The following PHF20 variants were observed in gnomAD, a reference collection of about 807,000 sequenced individuals.
PHF20 encodes the protein glioma-expressed antigen 2.
A neutral mutation model predicts 113.5 loss-of-function variants in PHF20; 23 were observed. The observed-to-expected ratio is 0.20, with a 90% CI of 0.15 to 0.29. The LOEUF is 0.29. PHF20 is among the 10% of genes least tolerant of loss of function. The pLI is 1.00. For missense variants in PHF20, 943 were observed against 1,219.6 expected, an observed-to-expected ratio of 0.77 and a Z score of 3.38; for synonymous variants, 434 against 457.3, an observed-to-expected ratio of 0.95 and a Z score of 0.65.
At chr20:35,877,978 A>G (rs1250876673) in intron 9 of PHF20, among the ~76,000 whole-genome samples, 2 of 152,232 alleles carry the variant, frequency 1.3e-5, no homozygotes, top group Non-Finnish European at 2.9e-5. Context: ...ATTTAGCATG[A>G]TGACTATAAT....
chr20:35,814,655 C>T (rs1427745337), intron 2 of PHF20, among the ~76,000 whole-genome samples: 10 of 149,410 alleles, frequency 6.7e-5, no homozygotes, highest in Non-Finnish European at 1.3e-4. Context: ...AGGTGGATCA[C>T]GAGGTCAGGA....
At chr20:35,930,440 C>T (rs1020958528) in intron 14 of PHF20, among the ~76,000 whole-genome samples, 4 of 152,046 alleles carry the variant, frequency 2.6e-5, no homozygotes, top group Admixed American at 1.3e-4. Context: ...ATGATGCTCT[C>T]AACTTTGGGA....
intron 2 of PHF20, among the ~76,000 whole-genome samples, chr20:35,802,350 TG>T (rs1163106654): frequency 6.6e-6 from 1 of 151,828 alleles, no homozygotes; most frequent in Non-Finnish European, 1.5e-5. Flanking sequence ...TAAGGGTTTT[TG>T]TTTTTTTTTT....
At chr20:35,790,454 G>C (rs957106348) in intron 1 of PHF20, among the ~76,000 whole-genome samples, 1 of 152,156 alleles carries the variant, frequency 6.6e-6, no homozygotes, top group East Asian at 1.9e-4. Context: ...GCCTGCCTCA[G>C]CCTCCCAAAG....
intron 2 of PHF20, among the ~76,000 whole-genome samples, chr20:35,811,767 A>AT (rs538254526): frequency 4.6e-4 from 68 of 147,886 alleles, no homozygotes; most frequent in African/African-American, 1.5e-3. Flanking sequence ...TTATTTATTT[A>AT]TTTTTATTTT....
At chr20:35,825,209 A>T (rs1028814384) in intron 2 of PHF20, among the ~76,000 whole-genome samples, 3 of 152,120 alleles carry the variant, frequency 2.0e-5, no homozygotes, top group South Asian at 2.1e-4. Flanking sequence ...TTTTGAAGAG[A>T]TGGGAGTCTT....
intron 9 of PHF20, among the ~76,000 whole-genome samples, chr20:35,885,441 A>C (rs1339217228): frequency 1.6e-5 from 1 of 63,896 alleles, no homozygotes; most frequent in Admixed American, 1.7e-4. Flanking sequence ...TACTTTTTTT[A>C]CTGGAGTGGG....
intron 2 of PHF20, among the ~76,000 whole-genome samples, chr20:35,819,678 T>TG: frequency 6.6e-6 from 1 of 150,726 alleles, no homozygotes; most frequent in Non-Finnish European, 1.5e-5. Flanking sequence ...GTGTGTGTGT[T>TG]TTTAAGCAAT....
chr20:35,870,708 G>A (rs1187356460), intron 7 of PHF20, among the ~76,000 whole-genome samples: 4 of 151,870 alleles, frequency 2.6e-5, no homozygotes, highest in Admixed American at 6.6e-5. Context: ...GTCAAGATTC[G>A]GACATGACCT....
chr20:35,826,746 A>G (rs1343561030), intron 2 of PHF20, among the ~76,000 whole-genome samples: 1 of 152,140 alleles, frequency 6.6e-6, no homozygotes, highest in African/African-American at 2.4e-5. Flanking sequence ...CTGTCATAAG[A>G]TATTTGCTGA....
chr20:35,851,784 A>G (rs2042737566), intron 4 of PHF20, among the ~76,000 whole-genome samples: 1 of 152,012 alleles, frequency 6.6e-6, no homozygotes, highest in Non-Finnish European at 1.5e-5. Context: ...GCGTGGTAGC[A>G]TGTGCCTGTA....
chr20:35,934,962 C>T lies in PHF20; in HGVS notation c.2300+3518C>T, dbSNP rs759397459. On this transcript the variant is annotated intron_variant, in intron 15 of 17. Transcript: ENST00000374012. ...AATGAAGTAGGTGGATGGTGGTCCA[C>T]GTGAGTGCCTGGGAAACCTCAGGGG... 2.6e-5 allele frequency among the ~76,000 whole-genome samples: 4 copies of T among 152,202 alleles called. No individual in the cohort carries two copies. The East Asian group carries it at 5.8e-4, about 22-fold the overall frequency.
chr20:35,913,192 A>G (rs1372591948), intron 10 of PHF20, 57 bp from the exon 11 acceptor site: 1 of 1,285,410 alleles, frequency 7.8e-7, no homozygotes, highest in Non-Finnish European at 1.1e-6. Flanking sequence ...GAGAAGAATA[A>G]GCACCCCAGC....
chr20:35,894,291 A>G (rs2054936332), intron 9 of PHF20, among the ~76,000 whole-genome samples: 1 of 152,082 alleles, frequency 6.6e-6, no homozygotes, highest in African/African-American at 2.4e-5. Flanking sequence ...GATGTATTTT[A>G]TATTTGAAAT....
At chr20:35,786,264 G>A (rs1321594753) in intron 1 of PHF20, among the ~76,000 whole-genome samples, 3 of 151,736 alleles carry the variant, frequency 2.0e-5, no homozygotes, top group Admixed American at 2.0e-4. Flanking sequence ...GGTGGCGTGT[G>A]CCTGTAATCG....
chr20:35,924,434 T>C (rs2055584547), intron 13 of PHF20, among the ~76,000 whole-genome samples: 1 of 151,878 alleles, frequency 6.6e-6, no homozygotes, highest in Non-Finnish European at 1.5e-5. Context: ...CCTCAGGTGA[T>C]CCGCCCACCT....
At chr20:35,876,135 C>T (rs1462007663) in intron 9 of PHF20, among the ~76,000 whole-genome samples, 1 of 152,056 alleles carries the variant, frequency 6.6e-6, no homozygotes, top group Non-Finnish European at 1.5e-5. Context: ...AAGCACTTAT[C>T]TATTTTCCAA....
intron 13 of PHF20, among the ~76,000 whole-genome samples, chr20:35,923,774 C>T (rs1176139936): frequency 6.6e-6 from 1 of 152,112 alleles, no homozygotes; most frequent in African/African-American, 2.4e-5. Flanking sequence ...TATTTTGAGA[C>T]AGGATCTTGC....
rs1015504339 is a variant in PHF20, at chr20:35,894,246, C to T, written c.1283-5124C>T. ...GGTTGATAATTATAATAGCTGTCTC[C>T]AGCCATGTTCCAGAAATAACATAAG... On this transcript the variant is annotated intron_variant, in intron 9 of 17. Coordinates refer to ENST00000374012, the MANE Select transcript of PHF20 (RefSeq NM_016436.5). Among the ~76,000 whole-genome samples the T allele has an allele frequency of 2.6e-5, 4 of 152,276 alleles. No homozygotes were observed. The Middle Eastern group carries it at 0.014, about 518-fold the overall frequency.
Sources: allele counts gnomAD v4.1 joint callset (sites outside exome capture counted in the v4.1 genomes callset), GRCh38; gene constraint gnomAD v4.1.1; transcripts MANE v1.5; gene names NCBI Gene and HGNC (gene_info 2026-07-23, HGNC 2026-07-21).